Variants in ZBTB20 observed in about 807,000 individuals in gnomAD.
The protein encoded by ZBTB20 is zinc finger and BTB domain-containing protein 20.
In ZBTB20, 9 loss-of-function variants were observed where a neutral mutation model predicts 56.9. The ratio of observed to expected loss-of-function variants is 0.16; its 90% CI spans 0.10 to 0.28. ZBTB20 has a LOEUF of 0.28. Ranked by LOEUF, ZBTB20 falls within the 10% of genes least tolerant of loss-of-function variation. The pLI, the probability that ZBTB20 is intolerant of heterozygous loss-of-function variation, is 1.00. For missense variants in ZBTB20, 655 were observed against 1,003.0 expected (o/e 0.65, Z 4.69); for synonymous variants, 417 against 420.7 (o/e 0.99, Z 0.11).
chr3:114,419,448 C>G (rs146958973), intron 7 of ZBTB20, among the ~76,000 whole-genome samples: 17 of 152,124 alleles, frequency 1.1e-4, no homozygotes, highest in Non-Finnish European at 2.4e-4. Context: ...AGGAAAATAA[C>G]TCTAAACACA....
At chr3:114,645,903 AG>A (rs2059808617) in intron 6 of ZBTB20, among the ~76,000 whole-genome samples, 1 of 152,044 alleles carries the variant, frequency 6.6e-6, no homozygotes, top group South Asian at 2.1e-4. Context: ...TGTTGCTTCG[AG>A]GAACAGAGGG....
intron 5 of ZBTB20, among the ~76,000 whole-genome samples, chr3:114,753,779 T>C (rs1338851281): frequency 3.3e-5 from 5 of 152,074 alleles, no homozygotes; most frequent in African/African-American, 1.2e-4. Flanking sequence ...TCCTACCCCA[T>C]TATAATATAA....
chr3:114,777,716 A>T (rs2069712989), intron 5 of ZBTB20, among the ~76,000 whole-genome samples: 1 of 152,076 alleles, frequency 6.6e-6, no homozygotes, highest in Admixed American at 6.6e-5. Context: ...AACTAGAAAT[A>T]CCATTTGACT....
chr3:114,860,999 A>G (rs907756563), intron 4 of ZBTB20, among the ~76,000 whole-genome samples: 11 of 152,182 alleles, frequency 7.2e-5, no homozygotes, highest in Non-Finnish European at 1.2e-4. Context: ...GCTTTTCAGT[A>G]TTGTAAAGAC....
chr3:114,650,167 T>C (rs1015147322), intron 6 of ZBTB20, among the ~76,000 whole-genome samples: 4 of 151,848 alleles, frequency 2.6e-5, no homozygotes, highest in African/African-American at 9.7e-5. Flanking sequence ...GAAAAAACAC[T>C]GTAAAAATTC....
chr3:114,984,588 C>T (rs1221496026), intron 2 of ZBTB20, among the ~76,000 whole-genome samples: 1 of 152,044 alleles, frequency 6.6e-6, no homozygotes, highest in Non-Finnish European at 1.5e-5. Context: ...CCCAAACTTT[C>T]ACTATCTCAG....
intron 7 of ZBTB20, among the ~76,000 whole-genome samples, chr3:114,426,357 AAAAAAAAAAAAAAAT>A (rs1419845979): frequency 0.05 from 2,866 of 57,178 alleles, 51 homozygotes; most frequent in Non-Finnish European, 0.09. Flanking sequence ...AAAAAAAAAA[AAAAAAAAAAAAAAAT>A]TGCCTCCTCA....
intron 10 of ZBTB20, chr3:114,352,097 G>C: frequency 1.7e-6 from 1 of 595,104 alleles, no homozygotes; most frequent in Non-Finnish European, 2.9e-6. Flanking sequence ...GGCCTTTAGT[G>C]CCGCAGCCAT....
At chr3:114,714,811 G>A (rs938738586) in intron 5 of ZBTB20, among the ~76,000 whole-genome samples, 2 of 152,186 alleles carry the variant, frequency 1.3e-5, no homozygotes, top group Non-Finnish European at 2.9e-5. Context: ...GCAGAGTTAT[G>A]CAAAACAATG....
At chr3:114,408,617 T>G (rs143309250) in intron 7 of ZBTB20, among the ~76,000 whole-genome samples, 8 of 152,252 alleles carry the variant, frequency 5.3e-5, no homozygotes, top group African/African-American at 1.9e-4. Flanking sequence ...CATCTCTGTT[T>G]GCACTTTCGC....
chr3:114,762,527 G>A (rs973683200), intron 5 of ZBTB20, among the ~76,000 whole-genome samples: 3 of 152,202 alleles, frequency 2.0e-5, no homozygotes, highest in Non-Finnish European at 4.4e-5. Flanking sequence ...TGGAGGAGCT[G>A]CAAGGAGGCT....
At chr3:115,085,155 T>C (rs1375440102) in intron 1 of ZBTB20, among the ~76,000 whole-genome samples, 2 of 152,020 alleles carry the variant, frequency 1.3e-5, no homozygotes, top group Non-Finnish European at 2.9e-5. Context: ...TCCAAAGATG[T>C]TGAGTCCCAT....
At chr3:114,996,162 A>G (rs2079016586) in intron 2 of ZBTB20, among the ~76,000 whole-genome samples, 1 of 151,962 alleles carries the variant, frequency 6.6e-6, no homozygotes, top group African/African-American at 2.4e-5. Flanking sequence ...CAAAAAGCCT[A>G]AAGAGAAAAA....
At chr3:115,131,807 A>T (rs770593841) in intron 1 of ZBTB20, among the ~76,000 whole-genome samples, 2 of 152,174 alleles carry the variant, frequency 1.3e-5, no homozygotes, top group African/African-American at 4.8e-5. Flanking sequence ...TTTTACATGG[A>T]GATCATCAGT....
intron 6 of ZBTB20, among the ~76,000 whole-genome samples, chr3:114,613,337 G>A (rs897450556): frequency 1.3e-5 from 2 of 152,162 alleles, no homozygotes; most frequent in African/African-American, 4.8e-5. Flanking sequence ...GCCAGGACTA[G>A]GACCTAACCA....
chr3:114,550,311 C>T (rs2050416408), intron 6 of ZBTB20, among the ~76,000 whole-genome samples: 1 of 152,092 alleles, frequency 6.6e-6, no homozygotes. Flanking sequence ...AAAATATTTC[C>T]TCACTACAGT....
intron 2 of ZBTB20, among the ~76,000 whole-genome samples, chr3:115,064,106 C>T (rs764400347): frequency 4.6e-5 from 7 of 152,148 alleles, no homozygotes; most frequent in Non-Finnish European, 7.3e-5. Context: ...CTAATTCTTT[C>T]CCCTGAAGAC....
chr3:114,653,951 A>G (rs2060263396), intron 6 of ZBTB20, among the ~76,000 whole-genome samples: 1 of 151,864 alleles, frequency 6.6e-6, no homozygotes, highest in Non-Finnish European at 1.5e-5. Context: ...TTGTTATGAT[A>G]TGTAATGATA....
At chr3:115,006,480 T>TATATATATATATATATATATAA (rs1305434358) in intron 2 of ZBTB20, among the ~76,000 whole-genome samples, 3 of 151,400 alleles carry the variant, frequency 2.0e-5, no homozygotes, top group African/African-American at 7.3e-5. Context: ...TATATATATA[T>TATATATATATATATATATATAA]AACCATTTGT....
Sources: allele counts gnomAD v4.1 joint callset (sites outside exome capture counted in the v4.1 genomes callset), GRCh38; gene constraint gnomAD v4.1.1; transcripts MANE v1.5; gene names NCBI Gene and HGNC (gene_info 2026-07-23, HGNC 2026-07-21).